Variants in NHS observed in about 807,000 individuals in gnomAD.
NHS encodes NHS actin remodeling regulator.
NHS carries 5 observed loss-of-function variants against 72.5 expected under a neutral mutation model. The observed-to-expected ratio is 0.07, with a 90% CI of 0.04 to 0.14. The LOEUF is 0.14. NHS is among the 10% of genes least tolerant of loss of function. NHS has a pLI of 1.00. For missense variants in NHS, 1,072 were observed against 1,355.7 expected, an observed-to-expected ratio of 0.79 and a Z score of 3.29; for synonymous variants, 464 against 547.7, an observed-to-expected ratio of 0.85 and a Z score of 2.13.
chrX:17,668,088 TA>T (rs3077323), intron 1 of NHS, among the ~76,000 whole-genome samples: 7,103 of 63,592 alleles, frequency 0.11, 400 homozygotes, highest in African/African-American at 0.19. Context: ...CCCATCTCTC[TA>T]AAAAAAAAAA....
chrX:17,453,868 C>G (rs1320577259), intron 1 of NHS, among the ~76,000 whole-genome samples: 2 of 111,573 alleles, frequency 1.8e-5, no homozygotes, highest in African/African-American at 6.5e-5. Flanking sequence ...TTACAGTGAT[C>G]CTGGGGAGGA....
At chrX:17,419,920 C>T (rs182431849) in intron 1 of NHS, among the ~76,000 whole-genome samples, 7 of 111,693 alleles carry the variant, frequency 6.3e-5, no homozygotes, top group East Asian at 2.8e-4. Context: ...GGAGCAAATT[C>T]GTGTTTACCT....
chrX:17,565,140 C>T (rs751485717), intron 1 of NHS, among the ~76,000 whole-genome samples: 62 of 111,211 alleles, frequency 5.6e-4, no homozygotes, highest in African/African-American at 1.9e-3. Context: ...GGCCTTGTGG[C>T]GTCCACCTTG....
chrX:17,612,914 T>C (rs2065717919), intron 1 of NHS, among the ~76,000 whole-genome samples: 1 of 111,896 alleles, frequency 8.9e-6, no homozygotes, highest in African/African-American at 3.2e-5. Context: ...GCACGTCTTA[T>C]CTTCCAAACT....
chrX:17,727,095 A>G lies in NHS; in HGVS notation c.2989A>G (p.Thr997Ala). ...QTSQSESRAT[T>A]PSLPSVDNEF... Reference sequence around the variant, plus strand: ...ATCACAATCAGAATCAAGAGCCACCACCCCATCTCTTCCTTCTGTTGACAA... The same window carrying G: ...ATCACAATCAGAATCAAGAGCCACCGCCCCATCTCTTCCTTCTGTTGACAA... Residue 997 changes from threonine (T) to alanine (A), a missense_variant, in exon 7 of 9, where the codon ACC becomes GCC. Physicochemically the swap from Thr to Ala is moderately conservative, Grantham distance 58. Coordinates refer to ENST00000676302, the MANE Select transcript of NHS (RefSeq NM_001291867.2). 1 of 1,211,637 alleles carries G rather than the reference A, an allele frequency of 8.3e-7. No individual in the cohort carries two copies. The highest frequency in any genetic ancestry group is 1.1e-6 in the Non-Finnish European group (1 of 895,490).
rs199877217 is a variant in NHS at position 17,536,354 on chromosome X, C to CA, written c.566-151381dup. Among the ~76,000 whole-genome samples the CA allele has an allele frequency of 2.3e-3, 257 of 111,557 alleles. 4 individuals carry two copies. In the East Asian group the frequency reaches 0.061, roughly 26 times the overall value. On this transcript the variant is annotated intron_variant, in intron 1 of 8. Coordinates refer to ENST00000676302, the MANE Select transcript of NHS (RefSeq NM_001291867.2). Reference sequence around the variant, plus strand: ...TGGGCAACAGAGCGAGACTCCGTCTCAAAAAAACAAACAAACAAAAAACAA... The same window carrying CA: ...TGGGCAACAGAGCGAGACTCCGTCTCAAAAAAAACAAACAAACAAAAAACAA...
chrX:17,474,830 A>G (rs1486588359), intron 1 of NHS, among the ~76,000 whole-genome samples: 2 of 111,098 alleles, frequency 1.8e-5, no homozygotes, highest in East Asian at 5.7e-4. Flanking sequence ...GAGGTCTTGG[A>G]GGCACCCCAC....
In NHS at chrX:17,579,152, TATC is replaced by T. The variant is rs1428141411; in HGVS notation, c.566-108587_566-108585del. ...AGGCAAGAAACATTTCCCCTGATCA[TATC>T]ATTCTGGCCGGGAAGTCTTGCGTTT... On this transcript the variant is annotated intron_variant, in intron 1 of 8. Coordinates refer to ENST00000676302, the MANE Select transcript of NHS (RefSeq NM_001291867.2). 8.0e-5 allele frequency among the ~76,000 whole-genome samples: 9 copies of T among 112,251 alleles called. 1 individual carries two copies. The East Asian group carries it at 2.5e-3, about 31-fold the overall frequency.
intron 1 of NHS, among the ~76,000 whole-genome samples, chrX:17,496,809 C>T (rs2065014741): frequency 1.8e-5 from 2 of 112,165 alleles, no homozygotes; most frequent in Admixed American, 9.5e-5. Context: ...GCCCTCCCTC[C>T]ACCCCCAGGA....
chrX:17,615,158 ATAC>A (rs1337869441), intron 1 of NHS, among the ~76,000 whole-genome samples: 2 of 49,400 alleles, frequency 4.0e-5, no homozygotes, highest in African/African-American at 1.6e-4. Context: ...ACGTGTATAT[ATAC>A]TATATATATA....
At chrX:17,411,614 AAAG>A (rs1265823987) in intron 1 of NHS, among the ~76,000 whole-genome samples, 3 of 112,332 alleles carry the variant, frequency 2.7e-5, no homozygotes, top group Admixed American at 9.4e-5. Flanking sequence ...TTTTTTAAAA[AAAG>A]AAGACAATTT....
chrX:17,463,348 C>T (rs186487195), intron 1 of NHS, among the ~76,000 whole-genome samples: 86 of 109,296 alleles, frequency 7.9e-4, no homozygotes, highest in Non-Finnish European at 1.2e-3. Context: ...AGGTCATTGT[C>T]TTGCTACTTG....
chrX:17,494,365 C>G (rs1428581791), intron 1 of NHS, among the ~76,000 whole-genome samples: 2 of 111,829 alleles, frequency 1.8e-5, no homozygotes, highest in African/African-American at 6.5e-5. Context: ...AGGAATGAGC[C>G]ACTGTGCCCA....
chrX:17,555,119 G>A (rs2065362403), intron 1 of NHS, among the ~76,000 whole-genome samples: 1 of 110,670 alleles, frequency 9.0e-6, no homozygotes, highest in Non-Finnish European at 1.9e-5. Flanking sequence ...TACAGTGACC[G>A]TTAATCTTTG....
intron 1 of NHS, among the ~76,000 whole-genome samples, chrX:17,620,407 G>A (rs1243918940): frequency 4.5e-5 from 5 of 111,679 alleles, no homozygotes; most frequent in African/African-American, 1.6e-4. Flanking sequence ...AGCTCTTGAT[G>A]TTTTACTCTT....
intron 1 of NHS, among the ~76,000 whole-genome samples, chrX:17,589,215 A>G (rs889386102): frequency 9.0e-6 from 1 of 111,566 alleles, no homozygotes; most frequent in Non-Finnish European, 1.9e-5. Context: ...TGGTTACACA[A>G]GTAAGTTCTT....
chrX:17,523,943 G>A (rs112214516), intron 1 of NHS, among the ~76,000 whole-genome samples: 2,277 of 111,374 alleles, frequency 0.02, 64 homozygotes, highest in African/African-American at 0.07. Flanking sequence ...GCTAAGAGGG[G>A]GTCCATTCTG....
rs889324381 is a variant in NHS at position 17,458,987 on chromosome X, C to T, written c.565+82665C>T. Among the ~76,000 whole-genome samples, 8 of 112,640 alleles carry T rather than the reference C, an allele frequency of 7.1e-5. 1 individual carries two copies. The South Asian group carries it at 3.0e-3, about 42-fold the overall frequency. On this transcript the variant is annotated intron_variant, in intron 1 of 8. Transcript: ENST00000676302. ...CCCCAGACCTACTGCACTAGTAGCT[C>T]TGGGGGTGGGACCCAGGAATTTGTG...
chrX:17,545,518 A>G (rs1328490505), intron 1 of NHS, among the ~76,000 whole-genome samples: 2 of 111,578 alleles, frequency 1.8e-5, no homozygotes, highest in Non-Finnish European at 3.8e-5. Context: ...ACTCATTCAC[A>G]TGGGCACCCC....
Sources: gnomAD v4.1 joint callset for allele counts (sites outside exome capture counted in the v4.1 genomes callset) on GRCh38, gnomAD v4.1.1 for gene constraint, MANE v1.5 for transcripts, NCBI Gene and HGNC (gene_info 2026-07-23, HGNC 2026-07-21) for gene names.